Variants in TBC1D22A observed in about 807,000 individuals in gnomAD.
TBC1D22A encodes the protein TBC1 domain family member 22A.
A neutral mutation model predicts 60.2 loss-of-function variants in TBC1D22A; 38 were observed. The observed-to-expected ratio is 0.63, with a 90% CI of 0.49 to 0.83. The LOEUF is 0.83. Among genes scored for constraint, TBC1D22A ranks in the 40% least tolerant of loss-of-function variants. TBC1D22A has a pLI of 0.00. For synonymous variants in TBC1D22A, 302 were observed against 281.7 expected, an observed-to-expected ratio of 1.07 and a Z score of -0.72; for missense variants, 628 against 701.0, an observed-to-expected ratio of 0.90 and a Z score of 1.18.
intron 2 of TBC1D22A, 143 bp downstream of exon 2, chr22:46,792,719 G>T: frequency 6.4e-7 from 1 of 1,559,714 alleles, no homozygotes; most frequent in Non-Finnish European, 8.7e-7. Flanking sequence ...TGATCAAGCA[G>T]TCGCTTTGTG....
chr22:46,826,168 A>G (rs983101176), intron 4 of TBC1D22A, among the ~76,000 whole-genome samples: 4 of 152,182 alleles, frequency 2.6e-5, no homozygotes, highest in East Asian at 1.9e-4. Context: ...GGCGTGAGCC[A>G]CCACACCCAG....
intron 11 of TBC1D22A, 60 bp downstream of exon 11, chr22:47,037,258 C>T (rs377299627): frequency 1.0e-5 from 16 of 1,600,332 alleles, no homozygotes; most frequent in East Asian, 2.2e-5. Flanking sequence ...CGTTTCCTGT[C>T]GCCTTCTGCC....
intron 8 of TBC1D22A, among the ~76,000 whole-genome samples, chr22:46,965,413 C>T (rs1413281928): frequency 2.6e-5 from 4 of 152,182 alleles, no homozygotes; most frequent in South Asian, 2.1e-4. Flanking sequence ...TCCTGGATTC[C>T]GACGGCCCCC....
At chr22:47,092,639 G>A (rs755394785) in intron 11 of TBC1D22A, among the ~76,000 whole-genome samples, 2 of 152,228 alleles carry the variant, frequency 1.3e-5, no homozygotes, top group Non-Finnish European at 2.9e-5. Context: ...GGCCTCACAA[G>A]TCATTGCAGG....
chr22:46,848,342 G>C (rs2087114978), intron 4 of TBC1D22A, among the ~76,000 whole-genome samples: 1 of 152,240 alleles, frequency 6.6e-6, no homozygotes, highest in South Asian at 2.1e-4. Flanking sequence ...CAGGGAAGGA[G>C]TGCTTGCTGT....
At chr22:47,022,652 T>G (rs1020869640) in intron 10 of TBC1D22A, among the ~76,000 whole-genome samples, 2 of 151,940 alleles carry the variant, frequency 1.3e-5, no homozygotes, top group African/African-American at 4.8e-5. Context: ...GGATGTGAGG[T>G]TGGGGAAGAA....
At chr22:46,905,087 A>T (rs1489568063) in intron 7 of TBC1D22A, among the ~76,000 whole-genome samples, 1 of 152,228 alleles carries the variant, frequency 6.6e-6, no homozygotes, top group Non-Finnish European at 1.5e-5. Context: ...AAAATGTTTT[A>T]AAGCCTCTGT....
chr22:47,165,505 A>T (rs1470675754), intron 12 of TBC1D22A, among the ~76,000 whole-genome samples: 1 of 151,962 alleles, frequency 6.6e-6, no homozygotes, highest in African/African-American at 2.4e-5. Context: ...AGCCAGGTCT[A>T]GCCTGCTGGG....
At chr22:47,129,381 G>A (rs961679134) in intron 12 of TBC1D22A, among the ~76,000 whole-genome samples, 11 of 152,228 alleles carry the variant, frequency 7.2e-5, no homozygotes, top group Non-Finnish European at 1.3e-4. Flanking sequence ...GGAGGCTGAG[G>A]CAGGAGAATC....
chr22:46,903,088 G>A (rs538031682), intron 7 of TBC1D22A, among the ~76,000 whole-genome samples: 8 of 152,284 alleles, frequency 5.3e-5, no homozygotes, highest in South Asian at 4.2e-4. Flanking sequence ...CGGTTGGGCC[G>A]TGGATCTCTC....
intron 11 of TBC1D22A, among the ~76,000 whole-genome samples, chr22:47,074,006 A>G (rs2064109043): frequency 6.6e-6 from 1 of 152,160 alleles, no homozygotes; most frequent in Non-Finnish European, 1.5e-5. Context: ...CTCTGGTCTC[A>G]GCTACTCGGG....
At chr22:47,103,094 C>G (rs1457035433) in intron 11 of TBC1D22A, among the ~76,000 whole-genome samples, 1 of 152,232 alleles carries the variant, frequency 6.6e-6, no homozygotes, top group Non-Finnish European at 1.5e-5. Context: ...TAGGTACATT[C>G]TCAGTGCCGA....
At chr22:46,974,493 G>A (rs2074212770) in intron 9 of TBC1D22A, 94 bp downstream of exon 9, 1 of 1,022,016 alleles carries the variant, frequency 9.8e-7, no homozygotes, top group Non-Finnish European at 1.5e-6. Flanking sequence ...TCTCAGTGTG[G>A]CCATGCAGTC....
At chr22:47,043,956 G>A (rs2062934503) in intron 11 of TBC1D22A, among the ~76,000 whole-genome samples, 1 of 152,072 alleles carries the variant, frequency 6.6e-6, no homozygotes, top group Non-Finnish European at 1.5e-5. Flanking sequence ...CTGGGGAGGA[G>A]CCTGTCTGAG....
intron 12 of TBC1D22A, among the ~76,000 whole-genome samples, chr22:47,142,639 A>ACCAT (rs1264614769): frequency 9.7e-5 from 11 of 113,062 alleles, no homozygotes; most frequent in Non-Finnish European, 1.2e-4. Context: ...TCACCTGCCC[A>ACCAT]CCATCCATCC....
intron 12 of TBC1D22A, among the ~76,000 whole-genome samples, chr22:47,167,524 C>T (rs2068255196): frequency 6.6e-6 from 1 of 152,192 alleles, no homozygotes; most frequent in East Asian, 1.9e-4. Flanking sequence ...CTCTTTTGCT[C>T]TCGCAGTTTG....
intron 11 of TBC1D22A, among the ~76,000 whole-genome samples, chr22:47,080,326 CA>C (rs2064411927): frequency 6.6e-6 from 1 of 152,170 alleles, no homozygotes; most frequent in Non-Finnish European, 1.5e-5. Context: ...TACCCAACAA[CA>C]TTCTTTGCAA....
intron 5 of TBC1D22A, among the ~76,000 whole-genome samples, chr22:46,888,822 C>T (rs755657267): frequency 6.6e-6 from 1 of 152,210 alleles, no homozygotes; most frequent in Non-Finnish European, 1.5e-5. Flanking sequence ...TCTCCTGCCT[C>T]AGCCTCCTGA....
intron 8 of TBC1D22A, among the ~76,000 whole-genome samples, chr22:46,930,904 A>G (rs1337977302): frequency 6.6e-6 from 1 of 152,090 alleles, no homozygotes; most frequent in Non-Finnish European, 1.5e-5. Context: ...CCTAAGCTAA[A>G]TTTACAGTTT....
Sources: gnomAD v4.1 joint callset for allele counts (sites outside exome capture counted in the v4.1 genomes callset) on GRCh38, gnomAD v4.1.1 for gene constraint, MANE v1.5 for transcripts, NCBI Gene and HGNC (gene_info 2026-07-23, HGNC 2026-07-21) for gene names.